RPL26L1: variants seen among roughly 807,000 people sequenced by gnomAD.
RPL26L1 encodes the protein ribosomal protein uL24-like.
RPL26L1 carries 8 observed loss-of-function variants against 15.2 expected under a neutral mutation model. That is an observed-to-expected ratio of 0.53 (90% CI 0.31 to 0.95). RPL26L1 has a LOEUF of 0.95. RPL26L1 is among the 40% of genes least tolerant of loss of function. The probability of loss-of-function intolerance (pLI) is 0.05; values close to 1 mark genes in which losing one functional copy is unlikely to be tolerated. For synonymous variants in RPL26L1, 51 were observed against 65.9 expected (o/e 0.77, Z 1.09); for missense variants, 146 against 190.9 (o/e 0.76, Z 1.39).
upstream of RPL26L1, chr5:172,959,385 G>A (rs188408393): frequency 1.6e-4 from 157 of 1,005,784 alleles, no homozygotes; most frequent in African/African-American, 2.6e-3. Context: ...CGGAAATGGG[G>A]CTTCGATGTC....
intron 2 of RPL26L1, among the ~76,000 whole-genome samples, chr5:172,961,879 CTATT>C (rs1482760148): frequency 6.6e-6 from 1 of 152,212 alleles, no homozygotes; most frequent in Non-Finnish European, 1.5e-5. Context: ...CTGAACATCT[CTATT>C]TAGGTAGCCC....
At chr5:172,968,248 C>G (rs180728623) in intron 2 of RPL26L1, among the ~76,000 whole-genome samples, 1 of 151,992 alleles carries the variant, frequency 6.6e-6, no homozygotes, top group Non-Finnish European at 1.5e-5. Context: ...AAGCTCATAT[C>G]GCACATTTCT....
At chr5:172,959,824 A>G in intron 1 of RPL26L1, 41 bp from the exon 2 acceptor site, 1 of 1,603,568 alleles carries the variant, frequency 6.2e-7, no homozygotes, top group South Asian at 1.1e-5. Context: ...CCTGTAACCC[A>G]CTGAGCGCCC....
chr5:172,962,677 G>A lies in RPL26L1; in HGVS notation c.168+2636G>A, dbSNP rs554890563. 5.3e-5 allele frequency among the ~76,000 whole-genome samples: 8 copies of A among 151,726 alleles called. 1 individual carries two copies. Among genetic ancestry groups the A allele is most frequent in the African/African-American group, 1.9e-4 (8 of 41,334 alleles). On this transcript the variant is annotated intron_variant, in intron 2 of 3. Transcript: ENST00000265100. ...TAAAAATATAAAAAATTAGCTGAGC[G>A]TGGTGGTGGGCGCCTGTAGTCCCAA...
chr5:172,964,764 G>C (rs1369701569), intron 2 of RPL26L1, among the ~76,000 whole-genome samples: 1 of 152,186 alleles, frequency 6.6e-6, no homozygotes, highest in Non-Finnish European at 1.5e-5. Flanking sequence ...GTAGGTGATG[G>C]TTCCTCCTAC....
chr5:172,955,400 A>G (rs1754941216), upstream of RPL26L1: 2 of 178,300 alleles, frequency 1.1e-5, no homozygotes, highest in South Asian at 1.2e-4. Flanking sequence ...AAGTGCTGGG[A>G]TTACAGGCGT....
At chr5:172,963,059 C>T (rs1303292061) in intron 2 of RPL26L1, among the ~76,000 whole-genome samples, 1 of 151,814 alleles carries the variant, frequency 6.6e-6, no homozygotes, top group Non-Finnish European at 1.5e-5. Flanking sequence ...AGGTGCTTAC[C>T]AATGGTGCCT....
intron 3 of RPL26L1, 110 bp from the exon 4 acceptor site, chr5:172,969,303 C>A: frequency 8.8e-7 from 1 of 1,133,764 alleles, no homozygotes; most frequent in Non-Finnish European, 1.3e-6. Context: ...TCCAGAGTTT[C>A]AGTTCCTTAA....
chr5:172,963,390 A>T (rs9784654), intron 2 of RPL26L1, among the ~76,000 whole-genome samples: 9,961 of 145,222 alleles, frequency 0.069, 367 homozygotes, highest in South Asian at 0.12. Flanking sequence ...AAAAAAAAAA[A>T]TCTAAAATCA....
chr5:172,958,141 G>A, upstream of RPL26L1: 2 of 335,290 alleles, frequency 6.0e-6, no homozygotes, highest in South Asian at 2.3e-5. Context: ...GCGCATACCT[G>A]TAATCCCAGA....
chr5:172,967,518 A>C (rs1755501827), intron 2 of RPL26L1, among the ~76,000 whole-genome samples: 1 of 152,048 alleles, frequency 6.6e-6, no homozygotes, highest in Admixed American at 6.5e-5. Context: ...ACCCTAATCT[A>C]GTTGGTTTTT....
At chr5:172,956,345 T>C (rs1044256755), upstream of RPL26L1, among the ~76,000 whole-genome samples, 19 of 152,180 alleles carry the variant, frequency 1.2e-4, no homozygotes, top group Admixed American at 1.2e-3. Context: ...GATCGCATTA[T>C]TATCTTTATG....
At chr5:172,963,813 G>A (rs1366115681) in intron 2 of RPL26L1, among the ~76,000 whole-genome samples, 1 of 152,134 alleles carries the variant, frequency 6.6e-6, no homozygotes, top group East Asian at 1.9e-4. Flanking sequence ...ATTATGATTA[G>A]ACCATTAAAA....
intron 2 of RPL26L1, among the ~76,000 whole-genome samples, chr5:172,966,313 ATTTTTTTTTTTTT>A (rs386405707): frequency 0.026 from 1,678 of 63,690 alleles, 43 homozygotes; most frequent in South Asian, 0.16. Flanking sequence ...CTGGCTAACT[ATTTTTTTTTTTTT>A]TTTTTTTTTT....
At chr5:172,963,265 T>C (rs1329447527) in intron 2 of RPL26L1, among the ~76,000 whole-genome samples, 1 of 151,706 alleles carries the variant, frequency 6.6e-6, no homozygotes. Context: ...TCCCAAGTAC[T>C]CGGGAGGCTG....
chr5:172,963,842 C>T (rs1237005227), intron 2 of RPL26L1, among the ~76,000 whole-genome samples: 1 of 152,090 alleles, frequency 6.6e-6, no homozygotes, highest in African/African-American at 2.4e-5. Context: ...TTTAATCATC[C>T]CAGTAAGTTC....
intron 2 of RPL26L1, among the ~76,000 whole-genome samples, chr5:172,963,427 A>G (rs984284402): frequency 5.9e-5 from 9 of 151,988 alleles, no homozygotes; most frequent in South Asian, 2.1e-4. Flanking sequence ...CTATGGGCCA[A>G]TCCTGGTCTA....
intron 1 of RPL26L1, 172 bp from the exon 2 acceptor site, chr5:172,959,693 C>T: frequency 9.2e-7 from 1 of 1,086,194 alleles, no homozygotes; most frequent in Non-Finnish European, 1.3e-6. Context: ...ACACGCCTCA[C>T]TTTATGTGAT....
At chr5:172,968,320 G>A (rs753681443) in intron 2 of RPL26L1, 139 bp from the exon 3 acceptor site, 100 of 1,064,688 alleles carry the variant, frequency 9.4e-5, no homozygotes, top group Non-Finnish European at 1.2e-4. Context: ...TATCAGAAAA[G>A]TAGCTAATTT....
Sources: allele counts gnomAD v4.1 joint callset (sites outside exome capture counted in the v4.1 genomes callset), GRCh38; gene constraint gnomAD v4.1.1; transcripts MANE v1.5; gene names NCBI Gene and HGNC (gene_info 2026-07-23, HGNC 2026-07-21).